The following EPHB4 variants were observed in gnomAD, a reference collection of about 807,000 sequenced individuals.
The protein encoded by EPHB4 is EPH receptor B4.
In EPHB4, 50 loss-of-function variants were observed where a neutral mutation model predicts 110.6. That is an observed-to-expected ratio of 0.45 (90% CI 0.36 to 0.57). The LOEUF is 0.57. Ranked by LOEUF, EPHB4 falls within the 20% of genes least tolerant of loss-of-function variation. EPHB4 has a pLI of 0.00. For synonymous variants in EPHB4, 592 were observed against 578.4 expected (o/e 1.02, Z -0.34); for missense variants, 1,128 against 1,382.1 (o/e 0.82, Z 2.91).
chr7:100,813,387 C>T (rs1812992986), intron 10 of EPHB4, 179 bp from the exon 11 acceptor site: 2 of 613,498 alleles, frequency 3.3e-6, no homozygotes. Context: ...GCGATCTTGG[C>T]TCACTGCAAT....
At chr7:100,826,389 C>T (rs1037020683) in intron 1 of EPHB4, among the ~76,000 whole-genome samples, 1 of 152,052 alleles carries the variant, frequency 6.6e-6, no homozygotes, top group Non-Finnish European at 1.5e-5. Context: ...TGGGGTGCAG[C>T]CTGTAGAAAC....
intron 1 of EPHB4, chr7:100,824,664 G>T (rs1488352385): frequency 9.7e-6 from 2 of 205,346 alleles, no homozygotes; most frequent in East Asian, 1.3e-4. Flanking sequence ...CAGCCTCCAC[G>T]TTTCCTCCCC....
intron 8 of EPHB4, 160 bp from the exon 9 acceptor site, chr7:100,814,181 A>G: frequency 1.4e-6 from 1 of 712,830 alleles, no homozygotes; most frequent in Admixed American, 3.2e-5. Context: ...GGGAACAAAC[A>G]GTGGGTTTCA....
In EPHB4 at chr7:100,819,662, G is replaced by A. The variant is rs1813168268; in HGVS notation, c.1192C>T (p.Pro398Ser). The A allele has an allele frequency of 5.0e-6, 8 of 1,613,860 alleles. No individual in the cohort carries two copies. Among genetic ancestry groups the A allele is most frequent in the Non-Finnish European group, 6.8e-6 (8 of 1,179,954 alleles). ...EPWVVVRGLR[P>S]DFTYTFEVTA... is the part of the protein sequence containing the mutation. ...ACCTCAAAGGTATAGGTGAAGTCAG[G>A]ACGTAGCCCTCGAACCACCACCCAG... The change falls in exon 6 of 17, where the codon CCT becomes TCT. Residue 398 changes from proline to serine, a missense_variant. Pro to Ser is a moderately conservative substitution (Grantham distance 74, BLOSUM62 -1). Coordinates refer to ENST00000358173, the MANE Select transcript of EPHB4 (RefSeq NM_004444.5).
rs953787533 is a variant in EPHB4 at position 100,826,964 on chromosome 7, C to G, written c.52+15G>C. ...AGGAGTGACGGGGTGCGCCCCCCCC[C>G]GCAAGGAAACTCACCTTCCAAAGCT... On this transcript the variant is annotated intron_variant, in intron 1 of 16. Coordinates refer to ENST00000358173, the MANE Select transcript of EPHB4 (RefSeq NM_004444.5). The G allele has an allele frequency of 1.0e-4, 150 of 1,441,854 alleles. No individual in the cohort carries two copies. The highest frequency in any genetic ancestry group is 3.6e-4 in the Middle Eastern group (2 of 5,580). The allele number at this position is 1,441,854 out of a possible 1,614,324, so 89.3% of individuals were successfully genotyped here. A position where few individuals can be genotyped will look rare whatever the true frequency, so the allele number is the denominator to read the frequency against.
chr7:100,823,723 A>C lies in EPHB4; in HGVS notation c.332T>G (p.Phe111Cys), dbSNP rs779136651. ...PRAGRSCKET[F>C]TVFYYESDAD... Reference sequence around the variant, plus strand: ...ATCGCTCTCATAGTAGAAGACGGTGAAGGTCTCCTTGCAGGAGCGCCCAGC... The same window carrying C: ...ATCGCTCTCATAGTAGAAGACGGTGCAGGTCTCCTTGCAGGAGCGCCCAGC... The change falls in exon 3 of 17, where the codon TTC becomes TGC. Residue 111 changes from phenylalanine to cysteine, a missense_variant. Phe to Cys is a radical substitution (Grantham distance 205). Coordinates refer to ENST00000358173, the MANE Select transcript of EPHB4 (RefSeq NM_004444.5). 6.2e-7 allele frequency: 1 copy of C among 1,613,658 alleles called. No homozygotes were observed. Among genetic ancestry groups the C allele is most frequent in the Non-Finnish European group, 8.5e-7 (1 of 1,179,972 alleles).
intron 10 of EPHB4, 97 bp from the exon 11 acceptor site, chr7:100,813,305 G>GTT (rs1562969463): frequency 4.4e-5 from 27 of 614,750 alleles, no homozygotes; most frequent in East Asian, 8.4e-5. Context: ...CTGTCTCCGT[G>GTT]GTTTTTTTTT....
chr7:100,807,439 A>T lies in EPHB4; in HGVS notation c.2260T>A (p.Cys754Ser). Residue 754 changes from cysteine to serine, a missense_variant, in exon 13 of 17, where the codon TGC becomes AGC. Physicochemically the swap from Cys to Ser is moderately radical, Grantham distance 112 (BLOSUM62 -1). This residue lies in a region of EPHB4 where 191 missense variants were observed against 313.0 expected (regional missense o/e 0.61). Coordinates refer to ENST00000358173, the MANE Select transcript of EPHB4 (RefSeq NM_004444.5). Reference sequence around the variant, plus strand: ...GAAAGGCCAAAGTCAGACACTTTGCAGACGAGGTTGCTGTTGACTAGGATG... The same window carrying T: ...GAAAGGCCAAAGTCAGACACTTTGCTGACGAGGTTGCTGTTGACTAGGATG... ...RNILVNSNLV[C>S]KVSDFGLSRF... The T allele has an allele frequency of 6.2e-7, 1 of 1,613,880 alleles. No homozygotes were observed. Among genetic ancestry groups the T allele is most frequent in the Non-Finnish European group, 8.5e-7 (1 of 1,179,986 alleles).
chr7:100,822,189 A>C lies in EPHB4; in HGVS notation c.808+82T>G. On this transcript the variant is annotated intron_variant, in intron 4 of 16. Transcript: ENST00000358173. This position sits in a 1 kb window ranked among gnomAD's most constrained non-coding sequence, Gnocchi z 4.7. ...TTCAACATCTAACTATACAAAATGG[A>C]AACTTAAGAAGTGGGTCCTGAGTGG... The C allele has an allele frequency of 6.9e-7, 1 of 1,455,796 alleles. No homozygotes were observed. The allele number at this position is 1,455,796 out of a possible 1,614,324, so 90.2% of individuals were successfully genotyped here.
Position 100,818,605 on chromosome 7 carries a change from G to T in EPHB4, c.1337C>A (p.Ser446Ter), listed in dbSNP as rs1431447319. ...CCAGGCCAGGCTCAAGCTGCTGGGT[G>T]AGGACCGCGTCACCCGGATGTCAGA... ...AVSDIRVTRS[S>*]PSSLSLAWAV... Residue 446 changes from serine (S) to a stop codon, truncating the protein, a stop_gained, in exon 7 of 17, where the codon TCA becomes TAA. Transcript: ENST00000358173. LOFTEE classifies it high-confidence loss of function. 1 of 1,613,126 alleles carries T rather than the reference G, an allele frequency of 6.2e-7. No homozygotes were observed. The highest frequency in any genetic ancestry group is 1.1e-5 in the South Asian group (1 of 91,072).
intron 1 of EPHB4, among the ~76,000 whole-genome samples, chr7:100,826,017 C>T (rs1217364746): frequency 6.6e-6 from 1 of 152,224 alleles, no homozygotes; most frequent in African/African-American, 2.4e-5. Flanking sequence ...GAGGGTTTTT[C>T]TAACGCCGCT....
Position 100,822,273 on chromosome 7 carries a change from C to T in EPHB4, c.806G>A (p.Arg269Gln), listed in dbSNP as rs779724630. The T allele has an allele frequency of 8.3e-6, 13 of 1,558,726 alleles. No individual in the cohort carries two copies. The highest frequency in any genetic ancestry group is 2.4e-5 in the East Asian group (1 of 41,488). ...FEAAEGNTKC[R>Q]ACAQGTFKPL... ...GCAGGGGAAGCTCCAGCTCTCACCT[C>T]GGCACTTGGTGTTCCCCTCAGCTGC... The change falls in exon 4 of 17, where the codon CGA (arginine) becomes CAA (glutamine). Residue 269 changes from arginine (R) to glutamine (Q), a missense_variant and splice_region_variant. Physicochemically the swap from Arg to Gln is conservative, Grantham distance 43. Transcript: ENST00000358173. The surrounding 1 kb of genome is among the most constrained non-coding windows in gnomAD (Gnocchi z 4.7).
rs540280529 is a variant in EPHB4, at chr7:100,820,014, C to T, written c.965-125G>A. On this transcript the variant is annotated intron_variant, in intron 5 of 16. Coordinates refer to ENST00000358173, the MANE Select transcript of EPHB4 (RefSeq NM_004444.5). The stretch of plus-strand genomic sequence containing the variant: ...AGACAGTGGGCTCCACATGTTCCTC[C>T]GGGCTAGGGACAAGCATGCCAGGGA... 2.3e-3 allele frequency: 3,492 copies of T among 1,488,028 alleles called. 2 individuals are homozygous for T. The highest frequency in any genetic ancestry group is 2.9e-3 in the Non-Finnish European group (3,271 of 1,116,236). The allele number at this position is 1,488,028 out of a possible 1,614,324, so 92.2% of individuals were successfully genotyped here.
chr7:100,822,518 CAGGGCCATGCAGGCACCCTGGTCCTGGA>C lies in EPHB4; in HGVS notation c.533_560del (p.Phe178CysfsTer14). 6.2e-7 allele frequency: 1 copy of C among 1,613,478 alleles called. No homozygotes were observed. The highest frequency in any genetic ancestry group is 1.3e-5 in the African/African-American group (1 of 75,066). On this transcript the variant is annotated frameshift_variant, in exon 4 of 17. Transcript: ENST00000358173. LOFTEE classifies it high-confidence loss of function. This position sits in a 1 kb window ranked among gnomAD's most constrained non-coding sequence, Gnocchi z 4.7. The stretch of plus-strand genomic sequence containing the variant: ...TTTTGTAGAAGAGGTGCAGGGATAG[CAGGGCCATGCAGGCACCCTGGTCCTGGA>C]AGGCCAGGTAGAAGCCAGCCTTGCT...
intron 1 of EPHB4, chr7:100,824,607 A>C: frequency 3.9e-6 from 1 of 255,906 alleles, no homozygotes; most frequent in South Asian, 6.4e-5. Flanking sequence ...CCTGGTCCTG[A>C]CCCCCACGAG....
intron 13 of EPHB4, among the ~76,000 whole-genome samples, chr7:100,806,774 G>C (rs201582778): frequency 1.3e-5 from 2 of 152,106 alleles, no homozygotes; most frequent in East Asian, 1.9e-4. Context: ...GGGTTCAACT[G>C]GTTCTCCTAC....
intron 7 of EPHB4, 78 bp downstream of exon 7, chr7:100,818,442 G>A (rs1562971387): frequency 3.8e-6 from 6 of 1,566,220 alleles, no homozygotes; most frequent in Non-Finnish European, 5.2e-6. Flanking sequence ...TGCCTGCCAG[G>A]TGCCTGCAAC....
rs1813417491 is a variant in EPHB4 at position 100,826,954 on chromosome 7, C to CA, written c.52+24_52+25insT. 2.7e-6 allele frequency: 4 copies of CA among 1,503,394 alleles called. No individual in the cohort carries two copies. The East Asian group carries it at 7.8e-5, about 29-fold the overall frequency. The allele number at this position is 1,503,394 out of a possible 1,614,324, so 93.1% of individuals were successfully genotyped here. A position where few individuals can be genotyped will look rare whatever the true frequency, so the allele number is the denominator to read the frequency against. The stretch of plus-strand genomic sequence containing the variant: ...GGGAGGTCCCAGGAGTGACGGGGTG[C>CA]GCCCCCCCCCGCAAGGAAACTCACC... On this transcript the variant is annotated intron_variant, in intron 1 of 16. Coordinates refer to ENST00000358173, the MANE Select transcript of EPHB4 (RefSeq NM_004444.5).
At position 100,824,281 on chromosome 7, in the gene EPHB4, A is replaced by T; in HGVS notation, c.53-8T>A. ...TTGTGTTCAGCAGGGTCTCTGAGAC[A>T]GACAGAGAGACAGAGTCAGTGCCTG... On this transcript the variant is annotated splice_polypyrimidine_tract_variant and splice_region_variant and intron_variant, in intron 1 of 16. Transcript: ENST00000358173. The T allele has an allele frequency of 6.2e-7, 1 of 1,613,942 alleles. No homozygotes were observed. Among genetic ancestry groups the T allele is most frequent in the Non-Finnish European group, 8.5e-7 (1 of 1,179,876 alleles).
Sources: allele counts gnomAD v4.1 joint callset (sites outside exome capture counted in the v4.1 genomes callset), GRCh38; gene constraint gnomAD v4.1.1; regional missense constraint gnomAD v4.1.1; non-coding constraint Gnocchi (gnomAD v3.1); transcripts MANE v1.5; gene names NCBI Gene and HGNC (gene_info 2026-07-23, HGNC 2026-07-21).